C3orf20: variants seen among roughly 807,000 people sequenced by gnomAD.
The protein encoded by C3orf20 is family with sequence similarity 149 member C.
Under a neutral mutation model 88.3 loss-of-function variants are expected in C3orf20, and 76 were observed. The observed-to-expected ratio is 0.86, with a 90% CI of 0.72 to 1.04. The LOEUF (loss-of-function observed/expected upper bound fraction) is 1.04. C3orf20 is among the 50% of genes least tolerant of loss of function. The probability of loss-of-function intolerance (pLI) is 0.00; values close to 1 mark genes in which losing one functional copy is unlikely to be tolerated. For missense variants in C3orf20, 1,056 were observed against 1,123.3 expected (o/e 0.94, Z 0.86); for synonymous variants, 436 against 437.4 (o/e 1.00, Z 0.04).
At chr3:14,720,943 T>TGATAA (rs2034134252) in intron 9 of C3orf20, among the ~76,000 whole-genome samples, 2 of 152,184 alleles carry the variant, frequency 1.3e-5, no homozygotes. Flanking sequence ...GAACTGGGAC[T>TGATAA]CACCCGTAGA....
intron 14 of C3orf20, 61 bp from the exon 15 acceptor site, chr3:14,761,412 T>C (rs1385357656): frequency 2.5e-6 from 4 of 1,599,190 alleles, no homozygotes; most frequent in South Asian, 1.1e-5. Flanking sequence ...GCCTGTCTTA[T>C]CAGTGGACAC....
chr3:14,683,245 G>T, intron 3 of C3orf20, 48 bp downstream of exon 3: 1 of 1,516,368 alleles, frequency 6.6e-7, no homozygotes, highest in Non-Finnish European at 8.8e-7. Flanking sequence ...CACTACAGAC[G>T]GGCGTCTCAG....
chr3:14,721,178 C>G (rs2034148855), intron 9 of C3orf20, among the ~76,000 whole-genome samples: 2 of 152,322 alleles, frequency 1.3e-5, no homozygotes, highest in South Asian at 4.1e-4. Flanking sequence ...CCTCTTTGAC[C>G]TCTTCCCACC....
chr3:14,754,295 A>T (rs1236460941), intron 12 of C3orf20, among the ~76,000 whole-genome samples: 1 of 152,210 alleles, frequency 6.6e-6, no homozygotes, highest in African/African-American at 2.4e-5. Context: ...TGCGAGTCAG[A>T]TAAAACAAAG....
intron 10 of C3orf20, 41 bp from the exon 11 acceptor site, chr3:14,726,860 A>G: frequency 1.9e-6 from 3 of 1,612,474 alleles, no homozygotes; most frequent in African/African-American, 2.7e-5. Flanking sequence ...TGGCTCTTTG[A>G]GGGGATGGTG....
intron 1 of C3orf20, among the ~76,000 whole-genome samples, chr3:14,679,737 C>G (rs2031982831): frequency 2.0e-5 from 3 of 152,202 alleles, no homozygotes; most frequent in Admixed American, 2.0e-4. Flanking sequence ...ATCTGCATCT[C>G]AGGCCAGGAT....
chr3:14,741,490 T>C (rs563979222), intron 12 of C3orf20, among the ~76,000 whole-genome samples: 1 of 152,376 alleles, frequency 6.6e-6, no homozygotes, highest in Admixed American at 6.5e-5. Context: ...CACTGACTTG[T>C]GACTCTAATG....
chr3:14,758,017 C>G (rs1395939140), intron 13 of C3orf20, among the ~76,000 whole-genome samples: 1 of 152,204 alleles, frequency 6.6e-6, no homozygotes, highest in Non-Finnish European at 1.5e-5. Context: ...CAGTGCTCAC[C>G]ACTGAATCCT....
At chr3:14,733,908 C>G (rs912640423) in intron 12 of C3orf20, among the ~76,000 whole-genome samples, 1 of 152,080 alleles carries the variant, frequency 6.6e-6, no homozygotes, top group Non-Finnish European at 1.5e-5. Flanking sequence ...AGGATGGTCT[C>G]GATCTCCTGA....
intron 12 of C3orf20, among the ~76,000 whole-genome samples, chr3:14,756,572 T>C (rs6809118): frequency 0.036 from 5,339 of 146,500 alleles, 304 homozygotes; most frequent in African/African-American, 0.12. Flanking sequence ...AGGGATGAAA[T>C]AGGGCACTCA....
chr3:14,693,580 T>C (rs1334292084), intron 5 of C3orf20, among the ~76,000 whole-genome samples: 1 of 152,194 alleles, frequency 6.6e-6, no homozygotes, highest in Non-Finnish European at 1.5e-5. Flanking sequence ...TCAGTTCTAA[T>C]AATTTTTTGG....
chr3:14,747,115 A>G (rs1407658604), intron 12 of C3orf20, among the ~76,000 whole-genome samples: 1 of 152,204 alleles, frequency 6.6e-6, no homozygotes, highest in African/African-American at 2.4e-5. Flanking sequence ...GATGTTGTCA[A>G]AGTTACCAAC....
At chr3:14,708,206 G>A (rs2033601261) in intron 7 of C3orf20, among the ~76,000 whole-genome samples, 1 of 152,170 alleles carries the variant, frequency 6.6e-6, no homozygotes, top group African/African-American at 2.4e-5. Flanking sequence ...TGTGGTATAA[G>A]ATAAGGTTCC....
intron 4 of C3orf20, among the ~76,000 whole-genome samples, chr3:14,689,753 G>A (rs1029583580): frequency 1.3e-5 from 2 of 152,054 alleles, no homozygotes; most frequent in African/African-American, 2.4e-5. Context: ...TCCTTGTTCC[G>A]GTCCCCCTCT....
chr3:14,683,875 CAAAAAAAAAAA>C (rs966127219), intron 3 of C3orf20, among the ~76,000 whole-genome samples: 1 of 83,216 alleles, frequency 1.2e-5, no homozygotes, highest in Non-Finnish European at 2.3e-5. Flanking sequence ...GACTCCATCT[CAAAAAAAAAAA>C]AAAAAAAAAG....
chr3:14,743,714 AC>A (rs984330305), intron 12 of C3orf20, among the ~76,000 whole-genome samples: 2 of 151,886 alleles, frequency 1.3e-5, no homozygotes, highest in African/African-American at 4.9e-5. Flanking sequence ...AGGTTCCCAA[AC>A]CTCAATTCTT....
At chr3:14,724,785 A>T (rs756540567) in intron 10 of C3orf20, among the ~76,000 whole-genome samples, 2 of 152,250 alleles carry the variant, frequency 1.3e-5, no homozygotes, top group Non-Finnish European at 2.9e-5. Flanking sequence ...TCAACTACAC[A>T]TGTAGCTCAC....
At chr3:14,767,685 A>G (rs1340025738) in intron 15 of C3orf20, among the ~76,000 whole-genome samples, 1 of 152,242 alleles carries the variant, frequency 6.6e-6, no homozygotes, top group African/African-American at 2.4e-5. Flanking sequence ...ATTCTGTAAA[A>G]GACAAAATCC....
At position 14,772,866 on chromosome 3, in the gene C3orf20, C is replaced by T; in HGVS notation, c.2706C>T (p.Ser902=). The T allele has an allele frequency of 6.2e-7, 1 of 1,613,648 alleles. No homozygotes were observed. The part of the protein sequence containing the change: ...SKITSWKKQA[S]KK Reference sequence around the variant, plus strand: ...TAACTAGTTGGAAGAAGCAGGCCTCCAAGAAGTAGCGCCATCCTGGCAGCA... The same window carrying T: ...TAACTAGTTGGAAGAAGCAGGCCTCTAAGAAGTAGCGCCATCCTGGCAGCA... Residue 902 remains serine (S), a synonymous_variant, in exon 17 of 17, where the codon TCC becomes TCT. Transcript: ENST00000253697. This position sits in a 1 kb window ranked among gnomAD's most constrained non-coding sequence, Gnocchi z 4.2.
Sources: gnomAD v4.1 joint callset for allele counts (sites outside exome capture counted in the v4.1 genomes callset) on GRCh38, gnomAD v4.1.1 for gene constraint, Gnocchi (gnomAD v3.1) non-coding constraint, MANE v1.5 for transcripts, NCBI Gene and HGNC (gene_info 2026-07-23, HGNC 2026-07-21) for gene names.